Variants in WDFY3 observed in about 807,000 individuals in gnomAD.
WDFY3 encodes WD repeat and FYVE domain containing 3.
Under a neutral mutation model 409.6 loss-of-function variants are expected in WDFY3, and 66 were observed. That is an observed-to-expected ratio of 0.16 (90% confidence interval 0.13 to 0.20). The LOEUF (loss-of-function observed/expected upper bound fraction) is 0.20, where lower values mean the gene tolerates loss of function less well. Ranked by LOEUF, WDFY3 falls within the 10% of genes least tolerant of loss-of-function variation. The pLI is 1.00. For synonymous variants in WDFY3, 1,521 were observed against 1,537.1 expected (o/e 0.99, Z 0.25); for missense variants, 3,031 against 4,298.1 (o/e 0.71, Z 8.24).
chr4:84,850,129 T>C (rs1192643106), intron 4 of WDFY3, 104 bp from the exon 5 acceptor site: 1 of 1,278,404 alleles, frequency 7.8e-7, no homozygotes. Flanking sequence ...TCCAGAAAAG[T>C]CTACCTACAC....
At chr4:84,689,262 A>G (rs71597381) in intron 61 of WDFY3, among the ~76,000 whole-genome samples, 67 of 152,196 alleles carry the variant, frequency 4.4e-4, no homozygotes, top group Non-Finnish European at 7.9e-4. Context: ...TGAAGTATAT[A>G]TATGTGTGTG....
intron 44 of WDFY3, among the ~76,000 whole-genome samples, chr4:84,732,682 A>G (rs1243008980): frequency 2.6e-5 from 4 of 152,116 alleles, no homozygotes; most frequent in Non-Finnish European, 5.9e-5. Context: ...CCAGGTTCTT[A>G]TACGTTGTTA....
In WDFY3 at chr4:84,742,479, T is replaced by C. The variant is rs149309134; in HGVS notation, c.6074-558A>G. Among the ~76,000 whole-genome samples the C allele has an allele frequency of 2.8e-3, 425 of 152,240 alleles. 4 individuals carry two copies. The highest frequency in any genetic ancestry group is 9.6e-3 in the African/African-American group (399 of 41,540). ...CCGAGTGTTTTCAGTGTGTTTGCCATATACATATTGCTTTCAGACTAATCC... is the reference window on the plus strand; with the variant it reads ...CCGAGTGTTTTCAGTGTGTTTGCCACATACATATTGCTTTCAGACTAATCC... On this transcript the variant is annotated intron_variant, in intron 37 of 67. Coordinates refer to ENST00000295888, the MANE Select transcript of WDFY3 (RefSeq NM_014991.6).
At chr4:84,819,733 C>A (rs955528632) in intron 12 of WDFY3, among the ~76,000 whole-genome samples, 53 of 152,006 alleles carry the variant, frequency 3.5e-4, no homozygotes, top group African/African-American at 1.3e-3. Flanking sequence ...ACTTGTAGTA[C>A]TAAAAATATT....
chr4:84,859,668 C>T (rs1172316991), intron 4 of WDFY3, among the ~76,000 whole-genome samples: 12 of 152,102 alleles, frequency 7.9e-5, no homozygotes, highest in African/African-American at 2.4e-4. Context: ...CTTCGCCTCT[C>T]GGGTTCAAGC....
At position 84,867,759 on chromosome 4, in the gene WDFY3, A is replaced by G. The variant is rs1202650593; in HGVS notation, c.-31-7137T>C. Among the ~76,000 whole-genome samples, 3 of 152,372 alleles carry G rather than the reference A, an allele frequency of 2.0e-5. No homozygotes were observed. The East Asian group carries it at 5.8e-4, about 29-fold the overall frequency. On this transcript the variant is annotated intron_variant, in intron 3 of 67. Transcript: ENST00000295888. The stretch of plus-strand genomic sequence containing the variant: ...TGAGTAGCTCTGCTGAAAACTTTAA[A>G]TAACTTTCCTAACTCTTTAATTATA...
chr4:84,745,194 G>C (rs183372032), intron 36 of WDFY3, among the ~76,000 whole-genome samples: 57 of 152,302 alleles, frequency 3.7e-4, no homozygotes, highest in Non-Finnish European at 6.3e-4. Flanking sequence ...AGAGGGATGA[G>C]ATGTAGGAAA....
At chr4:84,845,002 T>C (rs1757889696) in intron 5 of WDFY3, among the ~76,000 whole-genome samples, 1 of 152,224 alleles carries the variant, frequency 6.6e-6, no homozygotes, top group Admixed American at 6.5e-5. Flanking sequence ...CAACTTGATA[T>C]TCCCTAAAAG....
At chr4:84,712,698 G>A (rs530959228) in intron 51 of WDFY3, among the ~76,000 whole-genome samples, 2 of 152,132 alleles carry the variant, frequency 1.3e-5, no homozygotes, top group Non-Finnish European at 2.9e-5. Context: ...CTGGGTGACA[G>A]AGCGAGACTC....
At position 84,741,874 on chromosome 4, in the gene WDFY3, A is replaced by C; in HGVS notation, c.6121T>G (p.Leu2041Val). The C allele has an allele frequency of 6.2e-7, 1 of 1,611,416 alleles. No homozygotes were observed. Among genetic ancestry groups the C allele is most frequent in the South Asian group, 1.1e-5 (1 of 90,822 alleles). Reference sequence around the variant, plus strand: ...GTGAAATAAAACACATTGTTCACCAATACCTGGTAGCTTCCTCCACTGGTA... The same window carrying C: ...GTGAAATAAAACACATTGTTCACCACTACCTGGTAGCTTCCTCCACTGGTA... ...PITSGGSYQV[L>V]VNNVFYFTQR... is the part of the protein sequence containing the mutation. The change falls in exon 38 of 68, where the codon TTG becomes GTG. Residue 2041 changes from leucine (L) to valine (V), a missense_variant. By Grantham distance (32) the Leu-to-Val change is conservative (BLOSUM62 1). Transcript: ENST00000295888.
chr4:84,960,655 T>A (rs894802781), intron 1 of WDFY3, among the ~76,000 whole-genome samples: 15 of 151,884 alleles, frequency 9.9e-5, no homozygotes, highest in Non-Finnish European at 2.2e-4. Flanking sequence ...CTTCTTATTT[T>A]AAAAAAAAGA....
chr4:84,841,386 A>G, intron 5 of WDFY3, 123 bp from the exon 6 acceptor site: 1 of 745,296 alleles, frequency 1.3e-6, no homozygotes, highest in Non-Finnish European at 2.1e-6. Flanking sequence ...ACTATTACAT[A>G]TAGAAAAACT....
intron 15 of WDFY3, among the ~76,000 whole-genome samples, chr4:84,807,880 G>A (rs1225896569): frequency 1.3e-5 from 2 of 151,842 alleles, no homozygotes; most frequent in Admixed American, 6.6e-5. Flanking sequence ...AAAATACACA[G>A]TTCCTTTCAG....
At chr4:84,910,076 A>G (rs1579086241) in intron 2 of WDFY3, among the ~76,000 whole-genome samples, 1 of 152,236 alleles carries the variant, frequency 6.6e-6, no homozygotes, top group East Asian at 1.9e-4. Context: ...CAGAAAAAAC[A>G]AATTCCATCT....
chr4:84,855,047 T>C (rs1056034551), intron 4 of WDFY3, among the ~76,000 whole-genome samples: 15 of 152,072 alleles, frequency 9.9e-5, no homozygotes, highest in African/African-American at 3.6e-4. Flanking sequence ...AAAAAGGTAA[T>C]GAAGAACAAA....
chr4:84,677,166 A>G, intron 67 of WDFY3, 33 bp downstream of exon 67: 3 of 1,612,568 alleles, frequency 1.9e-6, no homozygotes, highest in Non-Finnish European at 2.5e-6. Context: ...AGCTTAATCA[A>G]TGTAAATTCA....
chr4:84,776,804 G>A (rs1170315551), intron 27 of WDFY3, among the ~76,000 whole-genome samples: 1 of 152,070 alleles, frequency 6.6e-6, no homozygotes, highest in Non-Finnish European at 1.5e-5. Flanking sequence ...GCTGAGAAAT[G>A]TGTACTTTAT....
Position 84,682,417 on chromosome 4 carries a change from A to C in WDFY3, c.9780T>G (p.Ala3260=), listed in dbSNP as rs1727527535. The change falls in exon 64 of 68, where the codon GCT becomes GCG. Residue 3260 remains alanine (A), a synonymous_variant. Coordinates refer to ENST00000295888, the MANE Select transcript of WDFY3 (RefSeq NM_014991.6). The part of the protein sequence containing the change: ...QVPETPAPEP[A]EVLEMQEDCP... ...AGTCTTCCTGCATTTCTAGGACTTC[A>C]GCAGGCTCAGGAGCTGGTGTTTCAG... 1 of 1,613,906 alleles carries C rather than the reference A, an allele frequency of 6.2e-7. No homozygotes were observed. Among genetic ancestry groups the C allele is most frequent in the Non-Finnish European group, 8.5e-7 (1 of 1,180,028 alleles).
intron 30 of WDFY3, among the ~76,000 whole-genome samples, chr4:84,770,093 A>C (rs1233223688): frequency 6.6e-6 from 1 of 150,956 alleles, no homozygotes; most frequent in African/African-American, 2.4e-5. Flanking sequence ...CAGTGGCGTG[A>C]TCTCTGCTCA....
Sources: allele counts gnomAD v4.1 joint callset (sites outside exome capture counted in the v4.1 genomes callset), GRCh38; gene constraint gnomAD v4.1.1; transcripts MANE v1.5; gene names NCBI Gene and HGNC (gene_info 2026-07-23, HGNC 2026-07-21).